Variants in DIAPH3 observed in about 807,000 individuals in gnomAD.
The protein encoded by DIAPH3 is protein diaphanous homolog 3.
DIAPH3 carries 117 observed loss-of-function variants against 144.3 expected under a neutral mutation model. That is an observed-to-expected ratio of 0.81 (90% CI 0.70 to 0.95). DIAPH3 has a LOEUF of 0.95. Ranked by LOEUF, DIAPH3 falls within the 40% of genes least tolerant of loss-of-function variation. DIAPH3 has a pLI of 0.00. For missense variants in DIAPH3, 1,421 were observed against 1,412.7 expected, an observed-to-expected ratio of 1.01 and a Z score of -0.09; for synonymous variants, 519 against 488.9, an observed-to-expected ratio of 1.06 and a Z score of -0.81.
chr13:60,034,464 A>C (rs1012346760), intron 5 of DIAPH3: 1 of 152,172 alleles, frequency 6.6e-6, no homozygotes, highest in African/African-American at 2.4e-5. Flanking sequence ...GCTTTGCTTT[A>C]AGAGGCAGGG....
intron 20 of DIAPH3, among the ~76,000 whole-genome samples, chr13:59,891,024 T>C (rs1224286237): frequency 1.3e-5 from 2 of 152,010 alleles, no homozygotes; most frequent in Non-Finnish European, 2.9e-5. Context: ...GCAACAAAAT[T>C]GTCTAACTTC....
intron 7 of DIAPH3, among the ~76,000 whole-genome samples, chr13:60,014,564 AAT>A (rs746807920): frequency 2.6e-5 from 4 of 152,118 alleles, no homozygotes; most frequent in Non-Finnish European, 5.9e-5. Context: ...AGAAAATATA[AAT>A]ATTTGCTAAT....
intron 21 of DIAPH3, among the ~76,000 whole-genome samples, chr13:59,871,036 T>TA (rs1341169904): frequency 3.3e-5 from 5 of 152,162 alleles, no homozygotes; most frequent in Non-Finnish European, 7.4e-5. Flanking sequence ...TGGTTTTTGT[T>TA]ACTAAGAAAA....
intron 27 of DIAPH3, among the ~76,000 whole-genome samples, chr13:59,679,121 A>G (rs571845036): frequency 1.3e-4 from 20 of 152,360 alleles, no homozygotes; most frequent in Admixed American, 1.2e-3. Context: ...AAATAAGTCA[A>G]GCAAAGAGGA....
chr13:59,673,783 T>C (rs1046556513), intron 27 of DIAPH3, among the ~76,000 whole-genome samples: 3 of 152,188 alleles, frequency 2.0e-5, no homozygotes, highest in Non-Finnish European at 4.4e-5. Context: ...ACACTGATGT[T>C]CAGGTGAGTT....
intron 9 of DIAPH3, among the ~76,000 whole-genome samples, chr13:60,002,297 A>C (rs1483060763): frequency 3.3e-5 from 5 of 152,190 alleles, no homozygotes; most frequent in African/African-American, 4.8e-5. Flanking sequence ...ATGCTATGAA[A>C]CAAACTGAAC....
intron 27 of DIAPH3, among the ~76,000 whole-genome samples, chr13:59,708,813 A>G (rs2034567949): frequency 6.6e-6 from 1 of 152,154 alleles, no homozygotes; most frequent in Non-Finnish European, 1.5e-5. Flanking sequence ...GCTTTAAATA[A>G]GACATATTGC....
chr13:60,034,088 T>G (rs902508176), intron 5 of DIAPH3, among the ~76,000 whole-genome samples: 5 of 152,220 alleles, frequency 3.3e-5, no homozygotes, highest in Non-Finnish European at 7.4e-5. Context: ...AGGAATAAAC[T>G]ATACTGATTC....
chr13:60,067,957 A>G (rs1863533712), intron 4 of DIAPH3, among the ~76,000 whole-genome samples: 1 of 152,134 alleles, frequency 6.6e-6, no homozygotes, highest in Non-Finnish European at 1.5e-5. Flanking sequence ...TAATTCCATT[A>G]TTTCTTAATA....
At chr13:60,154,901 C>T (rs950496188) in intron 1 of DIAPH3, among the ~76,000 whole-genome samples, 2 of 152,196 alleles carry the variant, frequency 1.3e-5, no homozygotes, top group Non-Finnish European at 2.9e-5. Context: ...AAGTTAAAGA[C>T]AATTACATTA....
At chr13:60,024,001 A>G (rs1470445693) in intron 5 of DIAPH3, among the ~76,000 whole-genome samples, 3 of 151,504 alleles carry the variant, frequency 2.0e-5, no homozygotes, top group African/African-American at 7.3e-5. Context: ...GACTACAGGC[A>G]CGTGCCACCA....
At chr13:60,033,119 A>T (rs2054928010) in intron 5 of DIAPH3, among the ~76,000 whole-genome samples, 1 of 152,158 alleles carries the variant, frequency 6.6e-6, no homozygotes, top group Non-Finnish European at 1.5e-5. Flanking sequence ...TAAGTTCCTC[A>T]TTTGCATCTG....
Position 60,079,979 on chromosome 13 carries a change from A to G in DIAPH3, c.495+13649T>C, listed in dbSNP as rs148227048. ...CAAACTTTCCCACACAAAAACCCCT[A>G]AATTTTATAATTTAGTTAACCGAGT... On this transcript the variant is annotated intron_variant, in intron 4 of 27. Coordinates refer to ENST00000400324, the MANE Select transcript of DIAPH3 (RefSeq NM_001042517.2). 5.7e-4 allele frequency among the ~76,000 whole-genome samples: 87 copies of G among 152,022 alleles called. No individual in the cohort carries two copies. The East Asian group carries it at 0.015, about 27-fold the overall frequency.
chr13:59,960,494 C>T lies in DIAPH3; in HGVS notation c.2074+9450G>A, dbSNP rs186586310. ...AAACTAAAAACATTAAGAGTTATCA[C>T]GCCTCCTGCAAACCCTTGGGAGAAT... is the stretch of plus-strand genomic sequence containing the variant. On this transcript the variant is annotated intron_variant, in intron 17 of 27. Coordinates refer to ENST00000400324, the MANE Select transcript of DIAPH3 (RefSeq NM_001042517.2). Among the ~76,000 whole-genome samples, 9 of 152,240 alleles carry T rather than the reference C, an allele frequency of 5.9e-5. No individual in the cohort carries two copies. The East Asian group carries it at 7.7e-4, about 13-fold the overall frequency.
chr13:59,741,693 G>C (rs1227485022), intron 27 of DIAPH3, among the ~76,000 whole-genome samples: 1 of 136,672 alleles, frequency 7.3e-6, no homozygotes, highest in African/African-American at 2.7e-5. Context: ...TTCCAGCCTG[G>C]GCAACAAAGC....
chr13:60,030,654 G>C (rs993934262), intron 5 of DIAPH3, among the ~76,000 whole-genome samples: 3 of 152,122 alleles, frequency 2.0e-5, no homozygotes, highest in Admixed American at 1.3e-4. Flanking sequence ...ACAGTGGAGA[G>C]AGCAGCCACA....
chr13:60,008,116 G>A (rs1202738690), intron 9 of DIAPH3, among the ~76,000 whole-genome samples: 5 of 152,072 alleles, frequency 3.3e-5, no homozygotes, highest in Non-Finnish European at 5.9e-5. Flanking sequence ...ATGCTAGGCC[G>A]GACGCAGTGG....
At chr13:59,924,430 C>T (rs901653196) in intron 18 of DIAPH3, among the ~76,000 whole-genome samples, 1 of 151,650 alleles carries the variant, frequency 6.6e-6, no homozygotes, top group Non-Finnish European at 1.5e-5. Flanking sequence ...AGAAGCAATA[C>T]ACTACCAATT....
chr13:59,723,668 T>G (rs1391827430), intron 27 of DIAPH3, among the ~76,000 whole-genome samples: 2 of 151,836 alleles, frequency 1.3e-5, no homozygotes, highest in African/African-American at 4.8e-5. Context: ...TGGTGTGCAG[T>G]GGCGCAATCT....
Sources: allele counts gnomAD v4.1 joint callset (sites outside exome capture counted in the v4.1 genomes callset), GRCh38; gene constraint gnomAD v4.1.1; transcripts MANE v1.5; gene names NCBI Gene and HGNC (gene_info 2026-07-23, HGNC 2026-07-21).